The following FHDC1 variants were observed in gnomAD, a reference collection of about 807,000 sequenced individuals.
FHDC1 encodes FH2 domain containing 1, also known as FH2 domain-containing protein 1.
A neutral mutation model predicts 52.6 loss-of-function variants in FHDC1; 25 were observed. The observed-to-expected ratio is 0.48, with a 90% CI of 0.35 to 0.66. The LOEUF is 0.66. Among genes scored for constraint, FHDC1 ranks in the 30% least tolerant of loss-of-function variants. The probability of loss-of-function intolerance (pLI) is 0.01; values close to 1 mark genes in which losing one functional copy is unlikely to be tolerated. For synonymous variants in FHDC1, 616 were observed against 581.5 expected (o/e 1.06, Z -0.85); for missense variants, 1,459 against 1,452.8 (o/e 1.00, Z -0.07).
the FHDC1 span, among the ~76,000 whole-genome samples, chr4:152,913,757 C>A: frequency 6.6e-6 from 1 of 152,192 alleles, no homozygotes; most frequent in Admixed American, 6.5e-5. Context: ...TGGCTCACTG[C>A]AACCTCCGCC....
rs375965015 is a variant in FHDC1 at position 152,965,458 on chromosome 4, C to G, written c.1100+483C>G. Among the ~76,000 whole-genome samples the G allele has an allele frequency of 2.6e-5, 4 of 152,184 alleles. No individual in the cohort carries two copies. In the East Asian group the frequency reaches 5.8e-4, roughly 22 times the overall value. On this transcript the variant is annotated intron_variant, in intron 9 of 11. Transcript: ENST00000511601. ...AATTAGTCACTCACAGAGAAAGGCA[C>G]ATACAGAGAAAGTATCTGCCAAACA...
chr4:152,920,424 CTG>C, the FHDC1 span, among the ~76,000 whole-genome samples: 10 of 152,208 alleles, frequency 6.6e-5, no homozygotes, highest in East Asian at 1.9e-3. Context: ...CAATAAAAAA[CTG>C]AGGATAAGTC....
Position 152,976,950 on chromosome 4 carries a change from T to G in FHDC1, c.*227T>G. 2.4e-6 allele frequency: 1 copy of G among 422,654 alleles called. No individual in the cohort carries two copies. Among genetic ancestry groups the G allele is most frequent in the South Asian group, 1.0e-4 (1 of 10,018 alleles). 26.2% of individuals were successfully genotyped at this position (422,654 alleles called of 1,614,324 possible). A position where few individuals can be genotyped will look rare whatever the true frequency, so the allele number is the denominator to read the frequency against. The stretch of plus-strand genomic sequence containing the variant: ...CCAGATGGATGCACGTTCACTACTG[T>G]GACGGCCGCACCTCCCCCATGCACC... On this transcript the variant is annotated 3_prime_UTR_variant, in exon 12 of 12. Coordinates refer to ENST00000511601, the MANE Select transcript of FHDC1 (RefSeq NM_001371116.1).
chr4:152,931,432 C>T (rs1205861053), upstream of FHDC1, among the ~76,000 whole-genome samples: 2 of 144,672 alleles, frequency 1.4e-5, no homozygotes, highest in Non-Finnish European at 3.0e-5. Flanking sequence ...TTCTTAGTCT[C>T]CTCTTCCATC....
chr4:152,962,081 G>A (rs1189031918), intron 6 of FHDC1, among the ~76,000 whole-genome samples: 1 of 152,138 alleles, frequency 6.6e-6, no homozygotes, highest in East Asian at 1.9e-4. Context: ...TTATTTGATA[G>A]TATAATTTTA....
intron 2 of FHDC1, among the ~76,000 whole-genome samples, chr4:152,945,295 A>G (rs2149938837): frequency 6.6e-6 from 1 of 152,302 alleles, no homozygotes; most frequent in East Asian, 1.9e-4. Context: ...TTCAGGGAAA[A>G]AAATAATCTT....
chr4:152,974,902 C>A lies in FHDC1; in HGVS notation c.1611C>A (p.Arg537=), dbSNP rs780761731. 2.1e-5 allele frequency: 34 copies of A among 1,609,312 alleles called. No homozygotes were observed. The highest frequency in any genetic ancestry group is 2.7e-5 in the Non-Finnish European group (32 of 1,178,710). ...SSPSYRPPNT[R]RSRLSLGPSA... is the part of the protein sequence containing the mutation. ...CCTCCTACCGGCCCCCGAACACCCG[C>A]CGCTCCCGCCTCTCCCTGGGTCCCT... Residue 537 remains arginine (R), a synonymous_variant, in exon 12 of 12, where the codon CGC becomes CGA. Transcript: ENST00000511601.
At chr4:152,974,307 G>T (rs1740766481) in intron 11 of FHDC1, among the ~76,000 whole-genome samples, 1 of 152,186 alleles carries the variant, frequency 6.6e-6, no homozygotes, top group South Asian at 2.1e-4. Context: ...TTTCCTTGGA[G>T]TTGAGGTCGC....
Position 152,967,988 on chromosome 4 carries a change from T to C in FHDC1, c.1109T>C (p.Leu370Pro). ...HHVQKTARLS[L>P]ENTEAELHLL... ...CCCCTTTCTTCTTTTAGATTATCTCTGGAGAACACGGAGGCAGAACTGCAC... is the reference window on the plus strand; with the variant it reads ...CCCCTTTCTTCTTTTAGATTATCTCCGGAGAACACGGAGGCAGAACTGCAC... The change falls in exon 10 of 12, where the codon CTG (leucine) becomes CCG (proline). Residue 370 changes from leucine (L) to proline (P), a missense_variant. By Grantham distance (98) the Leu-to-Pro change is moderately conservative. This residue lies in a region of FHDC1 where 513 missense variants were observed against 581.5 expected (regional missense o/e 0.88). Coordinates refer to ENST00000511601, the MANE Select transcript of FHDC1 (RefSeq NM_001371116.1). 2 of 1,613,186 alleles carry C rather than the reference T, an allele frequency of 1.2e-6. No homozygotes were observed. Among genetic ancestry groups the C allele is most frequent in the Non-Finnish European group, 1.7e-6 (2 of 1,179,546 alleles).
chr4:152,969,805 G>C (rs144416728), intron 10 of FHDC1, among the ~76,000 whole-genome samples: 1 of 151,852 alleles, frequency 6.6e-6, no homozygotes, highest in Admixed American at 6.6e-5. Flanking sequence ...GAGCAGCTGA[G>C]ACTACAGGCG....
chr4:152,922,965 T>C, the FHDC1 span, among the ~76,000 whole-genome samples: 1 of 152,124 alleles, frequency 6.6e-6, no homozygotes, highest in African/African-American at 2.4e-5. Flanking sequence ...GGATGCCCTC[T>C]GTCACCACTC....
At chr4:152,940,271 G>A (rs976383751) in intron 1 of FHDC1, among the ~76,000 whole-genome samples, 6 of 152,210 alleles carry the variant, frequency 3.9e-5, no homozygotes, top group African/African-American at 1.2e-4. Flanking sequence ...AGCCGTTGGG[G>A]GGCTAGGATC....
intron 2 of FHDC1, among the ~76,000 whole-genome samples, chr4:152,948,032 T>C (rs1739786437): frequency 6.6e-6 from 1 of 152,146 alleles, no homozygotes; most frequent in Non-Finnish European, 1.5e-5. Flanking sequence ...TGGGAAAAAA[T>C]GTGCTTCAAC....
chr4:152,969,764 G>C (rs1740581368), intron 10 of FHDC1, among the ~76,000 whole-genome samples: 1 of 151,344 alleles, frequency 6.6e-6, no homozygotes, highest in African/African-American at 2.4e-5. Flanking sequence ...CCACCTCCTG[G>C]GTTCAGGTGA....
At chr4:152,933,068 TG>T (rs2149929586), upstream of FHDC1, among the ~76,000 whole-genome samples, 1 of 152,354 alleles carries the variant, frequency 6.6e-6, no homozygotes, top group Non-Finnish European at 1.5e-5. Context: ...ACCCATTTTC[TG>T]GGCCACACTG....
At chr4:152,915,957 T>C in the FHDC1 span, among the ~76,000 whole-genome samples, 1 of 152,170 alleles carries the variant, frequency 6.6e-6, no homozygotes, top group African/African-American at 2.4e-5. Context: ...GTATCACGTA[T>C]TTCTGCTGGA....
chr4:152,971,733 A>G, intron 10 of FHDC1, among the ~76,000 whole-genome samples: 1 of 152,220 alleles, frequency 6.6e-6, no homozygotes. Flanking sequence ...GTGCTTTCAG[A>G]AAATATTAGT....
chr4:152,928,012 T>G, the FHDC1 span: 4 of 1,466,600 alleles, frequency 2.7e-6, no homozygotes, highest in Non-Finnish European at 2.9e-6. Context: ...CCTGCAAGTC[T>G]CTCAGAAACA....
the FHDC1 span, among the ~76,000 whole-genome samples, chr4:152,914,603 G>C: frequency 6.6e-6 from 1 of 152,176 alleles, no homozygotes; most frequent in Non-Finnish European, 1.5e-5. Context: ...TCCAAGCTAG[G>C]CTTTGCCATA....
Sources: gnomAD v4.1 joint callset for allele counts (sites outside exome capture counted in the v4.1 genomes callset) on GRCh38, gnomAD v4.1.1 for gene constraint, gnomAD v4.1.1 regional missense constraint, MANE v1.5 for transcripts, NCBI Gene and HGNC (gene_info 2026-07-23, HGNC 2026-07-21) for gene names.